Variants in EDARADD observed in about 807,000 individuals in gnomAD.
The protein encoded by EDARADD is ectodysplasin-A receptor-associated adapter protein.
In EDARADD, 20 loss-of-function variants were observed where a neutral mutation model predicts 25.6. The observed-to-expected ratio is 0.78, with a 90% CI of 0.55 to 1.14. EDARADD has a LOEUF of 1.14. EDARADD is among the 50% of genes most tolerant of loss of function. The probability of loss-of-function intolerance (pLI) is 0.00; values close to 1 mark genes in which losing one functional copy is unlikely to be tolerated. For missense variants in EDARADD, 225 were observed against 270.1 expected, an observed-to-expected ratio of 0.83 and a Z score of 1.17; for synonymous variants, 86 against 94.4, an observed-to-expected ratio of 0.91 and a Z score of 0.52.
Position 236,482,634 on chromosome 1 carries a change from C to T in EDARADD, c.633C>T (p.Pro211=), listed in dbSNP as rs755197423. 7 of 1,611,972 alleles carry T rather than the reference C, an allele frequency of 4.3e-6. No individual in the cohort carries two copies. In the Admixed American group the frequency reaches 1.0e-4, roughly 23 times the overall value. Residue 211 remains proline (P), a synonymous_variant, in exon 6 of 6, where the codon CCC becomes CCT. Coordinates refer to ENST00000334232, the MANE Select transcript of EDARADD (RefSeq NM_145861.4). ...EEWPKRERGD[P]SRHF is the part of the protein sequence containing the mutation. ...GGCCCAAGCGGGAGCGTGGAGACCCCTCCAGGCACTTCTAGAGCTCTTCTT... is the reference window on the plus strand; with the variant it reads ...GGCCCAAGCGGGAGCGTGGAGACCCTTCCAGGCACTTCTAGAGCTCTTCTT...
chr1:236,456,996 G>A (rs996612397), intron 4 of EDARADD, among the ~76,000 whole-genome samples: 1 of 152,050 alleles, frequency 6.6e-6, no homozygotes, highest in African/African-American at 2.4e-5. Context: ...ATCATGAAAT[G>A]TCAACTGTTG....
intron 1 of EDARADD, among the ~76,000 whole-genome samples, chr1:236,401,018 C>T (rs531148702): frequency 1.3e-5 from 2 of 151,850 alleles, no homozygotes; most frequent in South Asian, 2.1e-4. Flanking sequence ...GCCAACATGG[C>T]GAAACCCCAT....
intron 3 of EDARADD, among the ~76,000 whole-genome samples, chr1:236,360,537 G>GATTTTTTTTTTTTTTT (rs1558100082): frequency 2.3e-5 from 3 of 131,266 alleles, no homozygotes; most frequent in Admixed American, 7.9e-5. Context: ...TTAATTCACG[G>GATTTTTTTTTTTTTTT]TTTTTTTTTT....
intron 4 of EDARADD, among the ~76,000 whole-genome samples, chr1:236,440,911 G>A (rs1253630): frequency 0.73 from 111,587 of 151,932 alleles, 43,088 homozygotes; most frequent in Non-Finnish European, 0.87. Flanking sequence ...AACTAGGCCA[G>A]TTGATAACCC....
intron 5 of EDARADD, among the ~76,000 whole-genome samples, chr1:236,472,757 A>T (rs1659391686): frequency 6.6e-6 from 1 of 152,152 alleles, no homozygotes; most frequent in Non-Finnish European, 1.5e-5. Flanking sequence ...CCTCACAACC[A>T]CCTTGTGAGA....
chr1:236,448,318 G>A (rs1358762313), intron 4 of EDARADD, among the ~76,000 whole-genome samples: 1 of 152,216 alleles, frequency 6.6e-6, no homozygotes, highest in Non-Finnish European at 1.5e-5. Context: ...ATGCAGACAC[G>A]TTCACTGCTG....
chr1:236,423,661 A>C (rs1297462432), intron 3 of EDARADD, among the ~76,000 whole-genome samples: 4 of 152,230 alleles, frequency 2.6e-5, no homozygotes, highest in South Asian at 2.1e-4. Flanking sequence ...TTTGATTGAG[A>C]GACTATTGAG....
chr1:236,378,956 G>A (rs1240531234), intron 3 of EDARADD, among the ~76,000 whole-genome samples: 5 of 152,218 alleles, frequency 3.3e-5, no homozygotes, highest in East Asian at 3.9e-4. Flanking sequence ...CACTAGATGT[G>A]GAGAGGGGAT....
intron 4 of EDARADD, among the ~76,000 whole-genome samples, chr1:236,440,308 T>C (rs1658365716): frequency 6.6e-6 from 1 of 152,230 alleles, no homozygotes; most frequent in Non-Finnish European, 1.5e-5. Context: ...GTATCAGTCT[T>C]TCAACTTTGT....
intron 4 of EDARADD, among the ~76,000 whole-genome samples, chr1:236,429,021 A>T (rs533288947): frequency 3.9e-5 from 6 of 152,132 alleles, no homozygotes; most frequent in African/African-American, 1.4e-4. Context: ...CTGCAATCCC[A>T]GGCACTCGGC....
intron 3 of EDARADD, among the ~76,000 whole-genome samples, chr1:236,357,926 G>A (rs945049203): frequency 3.3e-5 from 5 of 151,502 alleles, no homozygotes; most frequent in Admixed American, 6.6e-5. Context: ...AGGCTGGAGC[G>A]AAATGGCATG....
rs140592617 is a variant in EDARADD, at chr1:236,357,138, T to A, written c.-6+6299T>A. 9.1e-4 allele frequency among the ~76,000 whole-genome samples: 139 copies of A among 152,194 alleles called. 1 individual carries two copies. The highest frequency in any genetic ancestry group is 3.3e-3 in the African/African-American group (137 of 41,536). ...GATAGAGCAATAAAAATGATTGATT[T>A]CATTAAAACTTAATCTTTGAGTACA... On this transcript the variant is annotated intron_variant, in intron 3 of 7. Coordinates refer to the EDARADD transcript ENST00000439430.
At chr1:236,465,805 G>T (rs1225399814) in intron 4 of EDARADD, among the ~76,000 whole-genome samples, 1 of 152,138 alleles carries the variant, frequency 6.6e-6, no homozygotes, top group African/African-American at 2.4e-5. Context: ...AAAATCAGTG[G>T]TTTTCCTATT....
At position 236,397,306 on chromosome 1, in the gene EDARADD, G is replaced by A. The variant is rs145473795; in HGVS notation, c.61+2801G>A. ...ATACCTATAGTCCCAGCTACTCGGG[G>A]GGCTGAGGCAGGAGGATTGCTTGAG... is the stretch of plus-strand genomic sequence containing the variant. On this transcript the variant is annotated intron_variant, in intron 1 of 5. Coordinates refer to ENST00000334232, the MANE Select transcript of EDARADD (RefSeq NM_145861.4). Among the ~76,000 whole-genome samples, 693 of 152,094 alleles carry A rather than the reference G, an allele frequency of 4.6e-3. 4 individuals carry two copies. The highest frequency in any genetic ancestry group is 0.016 in the African/African-American group (664 of 41,480).
At chr1:236,379,613 T>C (rs1177866036) in intron 3 of EDARADD, among the ~76,000 whole-genome samples, 2 of 151,812 alleles carry the variant, frequency 1.3e-5, no homozygotes, top group East Asian at 3.9e-4. Context: ...ACACCATCTC[T>C]ACTAAAAATA....
At chr1:236,427,946 T>A (rs2483067) in intron 4 of EDARADD, among the ~76,000 whole-genome samples, 67,384 of 150,388 alleles carry the variant, frequency 0.45, 17,343 homozygotes, top group Non-Finnish European at 0.59. Context: ...TTAATTGTAA[T>A]TTTTTTAATT....
intron 3 of EDARADD, among the ~76,000 whole-genome samples, chr1:236,357,735 T>A (rs1666996918): frequency 1.3e-5 from 2 of 151,164 alleles, no homozygotes; most frequent in African/African-American, 2.4e-5. Flanking sequence ...CACCGAGACG[T>A]GAGGGATCTG....
At chr1:236,400,586 C>T (rs982296545) in intron 1 of EDARADD, among the ~76,000 whole-genome samples, 13 of 151,978 alleles carry the variant, frequency 8.6e-5, no homozygotes, top group East Asian at 7.8e-4. Flanking sequence ...TTTTCTGTCT[C>T]GCTCTGCACT....
intron 1 of EDARADD, among the ~76,000 whole-genome samples, chr1:236,405,552 T>C (rs1667692185): frequency 6.6e-6 from 1 of 152,150 alleles, no homozygotes; most frequent in East Asian, 1.9e-4. Flanking sequence ...TCTAGGCTTG[T>C]CCAAGGCCAC....
Sources: gnomAD v4.1 joint callset for allele counts (sites outside exome capture counted in the v4.1 genomes callset) on GRCh38, gnomAD v4.1.1 for gene constraint, MANE v1.5 for transcripts, NCBI Gene and HGNC (gene_info 2026-07-23, HGNC 2026-07-21) for gene names.